Variants in ATPAF1 observed in about 807,000 individuals in gnomAD.
ATPAF1 encodes homolog of yeast ATP11.
A neutral mutation model predicts 43.9 loss-of-function variants in ATPAF1; 26 were observed. That is an observed-to-expected ratio of 0.59 (90% CI 0.43 to 0.82). The LOEUF (loss-of-function observed/expected upper bound fraction) is 0.82. Ranked by LOEUF, ATPAF1 falls within the 40% of genes least tolerant of loss-of-function variation. ATPAF1 has a pLI of 0.00. For synonymous variants in ATPAF1, 157 were observed against 168.0 expected (o/e 0.93, Z 0.50); for missense variants, 366 against 435.0 (o/e 0.84, Z 1.41).
chr1:46,664,956 C>T (rs2218191), intron 2 of ATPAF1: 213,237 of 306,680 alleles, frequency 0.7, 77,079 homozygotes, highest in Middle Eastern at 0.81. Context: ...GTTCCATCTC[C>T]CATGGGAAAT....
rs1253620024 is a variant in ATPAF1, at chr1:46,645,150, A to G, written c.684+11T>C. On this transcript the variant is annotated intron_variant, in intron 7 of 8. Coordinates refer to ENST00000574428, the Ensembl canonical transcript of ATPAF1. The stretch of plus-strand genomic sequence containing the variant: ...CCTCTTTCCTCTAGAGGAAGGGCAC[A>G]AGCCACCTACCTGAATATTTATAAG... 6.2e-7 allele frequency: 1 copy of G among 1,607,964 alleles called. No homozygotes were observed. The highest frequency in any genetic ancestry group is 2.2e-5 in the East Asian group (1 of 44,844).
intron 6 of ATPAF1, 48 bp downstream of exon 6, chr1:46,652,533 G>A (rs762043362): frequency 3.2e-6 from 5 of 1,568,884 alleles, no homozygotes; most frequent in Non-Finnish European, 3.5e-6. Context: ...GAAAATACTT[G>A]TTTGGCAACA....
chr1:46,643,676 A>G (rs892526256), intron 7 of ATPAF1, among the ~76,000 whole-genome samples: 2 of 152,252 alleles, frequency 1.3e-5, no homozygotes, highest in African/African-American at 2.4e-5. Flanking sequence ...TGCATTTCAC[A>G]GTTGAAATCT....
chr1:46,634,810 A>G (rs968497611), downstream of ATPAF1: 31 of 152,604 alleles, frequency 2.0e-4, no homozygotes, highest in African/African-American at 5.8e-4. Flanking sequence ...GGCATTCCAA[A>G]CAATTTTTCA....
chr1:46,637,284 A>G (rs1268714), intron 8 of ATPAF1, among the ~76,000 whole-genome samples: 130,769 of 152,082 alleles, frequency 0.86, 58,552 homozygotes, highest in Non-Finnish European at 0.99. Flanking sequence ...GGAGGCTGAG[A>G]CAGGAGGATT....
intron 1 of ATPAF1, chr1:46,666,156 AT>A (rs1569644469): frequency 5.3e-6 from 1 of 187,670 alleles, no homozygotes; most frequent in East Asian, 1.3e-4. Context: ...TGGTCAATGC[AT>A]TATAGGGGGC....
At chr1:46,664,041 G>T in intron 2 of ATPAF1, 1 of 439,456 alleles carries the variant, frequency 2.3e-6, no homozygotes, top group Non-Finnish European at 3.4e-6. Context: ...TGTTGTAAAA[G>T]TTAGCATTAT....
intron 2 of ATPAF1, among the ~76,000 whole-genome samples, chr1:46,664,271 G>A (rs1296945118): frequency 2.6e-5 from 4 of 152,148 alleles, no homozygotes; most frequent in African/African-American, 9.7e-5. Flanking sequence ...CAGAGACGGC[G>A]CTAAAGAGTT....
intron 6 of ATPAF1, among the ~76,000 whole-genome samples, chr1:46,651,173 C>T (rs1301952686): frequency 3.9e-5 from 6 of 151,924 alleles, no homozygotes; most frequent in African/African-American, 1.2e-4. Context: ...CAACAGTCCC[C>T]AGAGTGTGAT....
rs182114107 is a variant in ATPAF1 at position 46,638,488 on chromosome 1, G to T, written c.793-2518C>A. ...AAAAACAAAATTAGCTGGGCGTGGT[G>T]GTGGGCGCTTGTAGTCCCAGCTACT... On this transcript the variant is annotated intron_variant, in intron 8 of 8. Transcript: ENST00000574428. 1.4e-3 allele frequency among the ~76,000 whole-genome samples: 214 copies of T among 152,162 alleles called. 1 individual carries two copies. The highest frequency in any genetic ancestry group is 4.7e-3 in the African/African-American group (196 of 41,528).
intron 7 of ATPAF1, among the ~76,000 whole-genome samples, chr1:46,644,949 A>G (rs1351455243): frequency 6.6e-6 from 1 of 152,260 alleles, no homozygotes; most frequent in East Asian, 1.9e-4. Flanking sequence ...AGAAGTAGTC[A>G]GAGAAGGTGT....
At position 46,668,281 on chromosome 1, in the gene ATPAF1, C is replaced by T. The variant is rs747886879; in HGVS notation, c.42G>A (p.Pro14=). Residue 14 remains proline, a synonymous_variant, in exon 1 of 9, where the codon CCG becomes CCA. Coordinates refer to ENST00000574428, the Ensembl canonical transcript of ATPAF1. The surrounding 1 kb of genome is among the most constrained non-coding windows in gnomAD (Gnocchi z 4.4). ...AGAGACCGGCCACCTGCAGGACCGC[C>T]GGTCCCGCGCCACCCGCAGCCGCCA... is the stretch of plus-strand genomic sequence containing the variant. 24 of 1,382,954 alleles carry T rather than the reference C, an allele frequency of 1.7e-5. No homozygotes were observed. The South Asian group carries it at 2.8e-4, about 16-fold the overall frequency. The allele number at this position is 1,382,954 out of a possible 1,614,324, so 85.7% of individuals were successfully genotyped here.
intron 8 of ATPAF1, among the ~76,000 whole-genome samples, chr1:46,636,644 C>A (rs529635473): frequency 6.6e-6 from 1 of 151,002 alleles, no homozygotes; most frequent in Non-Finnish European, 1.5e-5. Flanking sequence ...TGGTTGGGGG[C>A]ATTGGTGTGA....
intron 5 of ATPAF1, among the ~76,000 whole-genome samples, chr1:46,652,835 A>C (rs957242367): frequency 6.6e-6 from 1 of 152,166 alleles, no homozygotes; most frequent in Non-Finnish European, 1.5e-5. Flanking sequence ...ATTATGTGTA[A>C]AGACTAGGTG....
At chr1:46,661,499 G>A (rs654509) in intron 2 of ATPAF1, among the ~76,000 whole-genome samples, 2,081 of 152,280 alleles carry the variant, frequency 0.014, 48 homozygotes, top group African/African-American at 0.048. Flanking sequence ...GTCTCACAGT[G>A]TAGTCGTGCC....
intron 4 of ATPAF1, among the ~76,000 whole-genome samples, chr1:46,657,364 T>A (rs1385280783): frequency 6.6e-6 from 1 of 152,062 alleles, no homozygotes; most frequent in African/African-American, 2.4e-5. Flanking sequence ...GGATAGCTCA[T>A]GAGTGCTTTG....
At chr1:46,663,267 G>C (rs1415425765) in intron 2 of ATPAF1, among the ~76,000 whole-genome samples, 2 of 152,204 alleles carry the variant, frequency 1.3e-5, no homozygotes, top group African/African-American at 4.8e-5. Flanking sequence ...CTTTATAGCA[G>C]CATGATTTGT....
chr1:46,636,049 G>T (rs878938515), intron 8 of ATPAF1, 79 bp from the exon 9 acceptor site: 2 of 1,525,000 alleles, frequency 1.3e-6, no homozygotes, highest in African/African-American at 2.7e-5. Context: ...GGTGGGTGGG[G>T]GCCCTCGCCC....
chr1:46,646,430 T>C (rs972944486), intron 6 of ATPAF1, among the ~76,000 whole-genome samples: 12 of 152,040 alleles, frequency 7.9e-5, no homozygotes, highest in Non-Finnish European at 1.5e-4. Context: ...TTCTATCAGA[T>C]AAGGCTGATA....
Sources: allele counts gnomAD v4.1 joint callset (sites outside exome capture counted in the v4.1 genomes callset), GRCh38; gene constraint gnomAD v4.1.1; non-coding constraint Gnocchi (gnomAD v3.1); transcripts MANE v1.5; gene names NCBI Gene and HGNC (gene_info 2026-07-23, HGNC 2026-07-21).